Variants in MAP2K6 observed in about 807,000 individuals in gnomAD.
The protein encoded by MAP2K6 is dual specificity mitogen-activated protein kinase kinase 6.
Under a neutral mutation model 53.7 loss-of-function variants are expected in MAP2K6, and 16 were observed. That is an observed-to-expected ratio of 0.30 (90% CI 0.20 to 0.45). The LOEUF is 0.45. Among genes scored for constraint, MAP2K6 ranks in the 20% least tolerant of loss-of-function variants. The pLI is 1.00. For missense variants in MAP2K6, 204 were observed against 411.9 expected (o/e 0.50, Z 4.37); for synonymous variants, 132 against 143.1 (o/e 0.92, Z 0.55).
chr17:69,523,407 G>A lies in MAP2K6; in HGVS notation c.536-107G>A, dbSNP rs532775043. 74 of 1,452,656 alleles carry A rather than the reference G, an allele frequency of 5.1e-5. No individual in the cohort carries two copies. In the East Asian group the frequency reaches 6.7e-4, roughly 13 times the overall value. 90.0% of individuals were successfully genotyped at this position (1,452,656 alleles called of 1,614,324 possible). On this transcript the variant is annotated intron_variant, in intron 7 of 11. Coordinates refer to ENST00000590474, the MANE Select transcript of MAP2K6 (RefSeq NM_002758.4). ...GTTACTTCTGTGTTGGGCAGCTTGG[G>A]GAAAGGAAGATGAAGGACAAATGGA... is the stretch of plus-strand genomic sequence containing the variant.
chr17:69,448,654 T>C (rs982617831), intron 1 of MAP2K6, among the ~76,000 whole-genome samples: 4 of 152,142 alleles, frequency 2.6e-5, no homozygotes, highest in African/African-American at 9.7e-5. Context: ...TGGCTCACTC[T>C]TTTAGCCATC....
chr17:69,520,492 T>A, intron 6 of MAP2K6, 106 bp downstream of exon 6: 1 of 690,414 alleles, frequency 1.4e-6, no homozygotes. Flanking sequence ...CAGCTACTAT[T>A]CGTACATGTC....
intron 1 of MAP2K6, among the ~76,000 whole-genome samples, chr17:69,466,027 C>T (rs1317078965): frequency 6.7e-6 from 1 of 149,086 alleles, no homozygotes; most frequent in African/African-American, 2.5e-5. Flanking sequence ...AATCCCAGGA[C>T]TTTGGGAGGC....
chr17:69,526,889 A>G (rs578178049), intron 10 of MAP2K6, among the ~76,000 whole-genome samples, 180 bp downstream of exon 10: 1 of 152,302 alleles, frequency 6.6e-6, no homozygotes, highest in Admixed American at 6.5e-5. Context: ...CACTGAGCCC[A>G]AAGTCAAGTA....
chr17:69,438,823 G>C (rs531960890), intron 1 of MAP2K6, among the ~76,000 whole-genome samples: 1 of 152,204 alleles, frequency 6.6e-6, no homozygotes, highest in Admixed American at 6.5e-5. Flanking sequence ...CGGCTCAAGA[G>C]GTCTTTCCAC....
At chr17:69,493,819 G>T (rs764801208) in intron 1 of MAP2K6, among the ~76,000 whole-genome samples, 9 of 151,892 alleles carry the variant, frequency 5.9e-5, no homozygotes, top group Non-Finnish European at 1.0e-4. Flanking sequence ...TTTTTAAAAT[G>T]TGATTCAAAA....
intron 1 of MAP2K6, among the ~76,000 whole-genome samples, chr17:69,438,640 G>A (rs969829315): frequency 1.3e-5 from 2 of 152,090 alleles, no homozygotes; most frequent in African/African-American, 2.4e-5. Context: ...AGGCTGTAAT[G>A]CAGTGGCACC....
chr17:69,460,991 A>G (rs1253346469), intron 1 of MAP2K6, among the ~76,000 whole-genome samples: 1 of 152,208 alleles, frequency 6.6e-6, no homozygotes, highest in African/African-American at 2.4e-5. Flanking sequence ...TAGGCTGAAG[A>G]CAGAATCAAC....
rs931346457 is a variant in MAP2K6 at position 69,553,584 on chromosome 17, T to C, written c.*11831T>C. The C allele has an allele frequency of 6.6e-6, 1 of 152,248 alleles. No individual in the cohort carries two copies. The highest frequency in any genetic ancestry group is 1.5e-5 in the Non-Finnish European group (1 of 68,044). 9.4% of individuals were successfully genotyped at this position (152,248 alleles called of 1,614,324 possible). ...CAAGCTGCAGACACTGTAACTGGTC[T>C]CCAGATGTGTGTATATGCGTGTAAA... On this transcript the variant is annotated 3_prime_UTR_variant, in exon 12 of 12. Coordinates refer to ENST00000590474, the MANE Select transcript of MAP2K6 (RefSeq NM_002758.4).
At chr17:69,538,221 A>G (rs938293312) in intron 11 of MAP2K6, among the ~76,000 whole-genome samples, 6 of 152,186 alleles carry the variant, frequency 3.9e-5, no homozygotes, top group Non-Finnish European at 7.3e-5. Context: ...CATTTTCTAT[A>G]TATTTCTGGC....
rs146830194 is a variant in MAP2K6 at position 69,470,098 on chromosome 17, A to G, written c.17-35682A>G. Among the ~76,000 whole-genome samples, 51 of 152,240 alleles carry G rather than the reference A, an allele frequency of 3.3e-4. 1 individual carries two copies. The highest frequency in any genetic ancestry group is 1.2e-3 in the African/African-American group (49 of 41,552). On this transcript the variant is annotated intron_variant, in intron 1 of 11. Coordinates refer to ENST00000590474, the MANE Select transcript of MAP2K6 (RefSeq NM_002758.4). Reference sequence around the variant, plus strand: ...TGTGTGCCTGTAGTCCTAGCTACTCAGGAGGCTAAGGTGGGAGGATCCCTT... The same window carrying G: ...TGTGTGCCTGTAGTCCTAGCTACTCGGGAGGCTAAGGTGGGAGGATCCCTT...
chr17:69,451,171 C>T (rs947788959), intron 1 of MAP2K6, among the ~76,000 whole-genome samples: 2 of 152,202 alleles, frequency 1.3e-5, no homozygotes, highest in Non-Finnish European at 2.9e-5. Flanking sequence ...TGGTCAGGGG[C>T]TATCAGTGGT....
At chr17:69,482,958 G>A (rs1301843182) in intron 1 of MAP2K6, among the ~76,000 whole-genome samples, 1 of 151,700 alleles carries the variant, frequency 6.6e-6, no homozygotes, top group Non-Finnish European at 1.5e-5. Context: ...TATTAGACCA[G>A]GCCCTAATTT....
chr17:69,416,669 A>G (rs1237911652), intron 1 of MAP2K6, among the ~76,000 whole-genome samples: 1 of 128,030 alleles, frequency 7.8e-6, no homozygotes, highest in African/African-American at 2.8e-5. Context: ...AATATTTAAA[A>G]TGAAGTTTTT....
chr17:69,430,907 A>G (rs1015082957), intron 1 of MAP2K6, among the ~76,000 whole-genome samples: 21 of 152,210 alleles, frequency 1.4e-4, no homozygotes, highest in African/African-American at 5.1e-4. Context: ...CTCTATTCTA[A>G]CAATGTATCA....
intron 1 of MAP2K6, among the ~76,000 whole-genome samples, chr17:69,488,038 G>A (rs1380101904): frequency 6.6e-6 from 1 of 152,012 alleles, no homozygotes; most frequent in Non-Finnish European, 1.5e-5. Context: ...AGAATGGGAG[G>A]AAATATTCTC....
Position 69,520,272 on chromosome 17 carries a change from T to G in MAP2K6, c.369T>G (p.Gly123=). The change falls in exon 6 of 12, where the codon GGT becomes GGG. Residue 123 remains glycine (G), a splice_region_variant and synonymous_variant. Transcript: ENST00000590474. ...VTFYGALFRE[G]DVWICMELMD... ...TTCCTGAAACAATTGGTCTCCAGGG[T>G]GATGTGTGGATCTGCATGGAGCTCA... 1 of 1,535,338 alleles carries G rather than the reference T, an allele frequency of 6.5e-7. No homozygotes were observed. Among genetic ancestry groups the G allele is most frequent in the African/African-American group, 1.4e-5 (1 of 72,812 alleles).
At chr17:69,429,889 G>C (rs1035056774) in intron 1 of MAP2K6, among the ~76,000 whole-genome samples, 1 of 152,198 alleles carries the variant, frequency 6.6e-6, no homozygotes, top group Non-Finnish European at 1.5e-5. Context: ...GGTGAAGCTG[G>C]GGTGTGGGGC....
At chr17:69,475,531 AATG>A (rs1485357583) in intron 1 of MAP2K6, among the ~76,000 whole-genome samples, 1 of 152,218 alleles carries the variant, frequency 6.6e-6, no homozygotes, top group Non-Finnish European at 1.5e-5. Context: ...CCTCTGAGAA[AATG>A]ATGACTGAGG....
Sources: allele counts gnomAD v4.1 joint callset (sites outside exome capture counted in the v4.1 genomes callset), GRCh38; gene constraint gnomAD v4.1.1; transcripts MANE v1.5; gene names NCBI Gene and HGNC (gene_info 2026-07-23, HGNC 2026-07-21).